The following CCDC171 variants were observed in gnomAD, a reference collection of about 807,000 sequenced individuals.
CCDC171 encodes coiled-coil domain-containing protein 171.
Under a neutral mutation model 168.2 loss-of-function variants are expected in CCDC171, and 177 were observed. The ratio of observed to expected loss-of-function variants is 1.05; its 90% CI spans 0.93 to 1.19. The LOEUF (loss-of-function observed/expected upper bound fraction) is 1.19, where lower values mean the gene tolerates loss of function less well. Ranked by LOEUF, CCDC171 falls within the 50% of genes most tolerant of loss-of-function variation. CCDC171 has a pLI of 0.00. For missense variants in CCDC171, 1,991 were observed against 1,539.0 expected (o/e 1.29, Z -4.91); for synonymous variants, 687 against 540.8 (o/e 1.27, Z -3.75).
chr9:15,886,425 A>T (rs1194699632), intron 24 of CCDC171: 1 of 152,212 alleles, frequency 6.6e-6, no homozygotes, highest in African/African-American at 2.4e-5. Context: ...ATATCACATC[A>T]CAACTGTTAG....
chr9:15,602,632 C>CTTTTTTTTTTTTTCTTTTTTT (rs2042936144), intron 6 of CCDC171, among the ~76,000 whole-genome samples: 1 of 31,002 alleles, frequency 3.2e-5, no homozygotes, highest in African/African-American at 9.7e-5. Context: ...TTTCTCATTT[C>CTTTTTTTTTTTTTCTTTTTTT]TTTTTTTTTT....
At chr9:15,825,156 A>C (rs563895157) in intron 21 of CCDC171, among the ~76,000 whole-genome samples, 1 of 152,138 alleles carries the variant, frequency 6.6e-6, no homozygotes, top group African/African-American at 2.4e-5. Flanking sequence ...AGTTTACACT[A>C]TTAGAAATAG....
intron 25 of CCDC171, among the ~76,000 whole-genome samples, chr9:15,955,561 G>C (rs1829707328): frequency 6.6e-6 from 1 of 152,154 alleles, no homozygotes. Context: ...GAGATGGATA[G>C]CTGCTGCTGT....
rs1273588254 is a variant in CCDC171, at chr9:15,821,594, G to T, written c.3268-25108G>T. 1.7e-5 allele frequency among the ~76,000 whole-genome samples: 2 copies of T among 116,504 alleles called. 1 individual carries two copies. The highest frequency in any genetic ancestry group is 1.6e-4 in the Admixed American group (2 of 12,310). The allele number at this position is 116,504 out of a possible 152,430, so 76.4% of individuals were successfully genotyped here. On this transcript the variant is annotated intron_variant, in intron 21 of 25. Transcript: ENST00000380701. ...AACTCCCATTCACAATTGCTTCAAA[G>T]AGAATAAAATACCTAGGAATCCAAC...
intron 10 of CCDC171, among the ~76,000 whole-genome samples, chr9:15,687,607 T>A (rs2050489475): frequency 6.6e-6 from 1 of 152,144 alleles, no homozygotes; most frequent in Non-Finnish European, 1.5e-5. Context: ...GTTGATTCTT[T>A]GAAGAGATAA....
chr9:15,841,190 C>T (rs2060666049), intron 21 of CCDC171, among the ~76,000 whole-genome samples: 1 of 152,014 alleles, frequency 6.6e-6, no homozygotes, highest in South Asian at 2.1e-4. Flanking sequence ...ACGTATTTTA[C>T]ACTCTTCTTT....
At chr9:15,975,969 AGTTT>A (rs1831608432), downstream of CCDC171, among the ~76,000 whole-genome samples, 2 of 152,124 alleles carry the variant, frequency 1.3e-5, no homozygotes, top group African/African-American at 4.8e-5. Context: ...TGCAGGGGTT[AGTTT>A]GACTATGGAG....
intron 3 of CCDC171, among the ~76,000 whole-genome samples, chr9:16,018,920 C>T (rs1833096374): frequency 6.6e-6 from 1 of 152,166 alleles, no homozygotes; most frequent in Non-Finnish European, 1.5e-5. Flanking sequence ...CCTTTGTATT[C>T]ATGCCTTTTT....
At chr9:15,631,996 A>C (rs2045752735) in intron 7 of CCDC171, among the ~76,000 whole-genome samples, 1 of 152,174 alleles carries the variant, frequency 6.6e-6, no homozygotes, top group Non-Finnish European at 1.5e-5. Flanking sequence ...ACTCTCAATA[A>C]ATTAGGTATT....
chr9:15,808,908 T>G lies in CCDC171; in HGVS notation c.3267+24214T>G, dbSNP rs1588628728. Among the ~76,000 whole-genome samples, 5 of 152,178 alleles carry G rather than the reference T, an allele frequency of 3.3e-5. No individual in the cohort carries two copies. In the South Asian group the frequency reaches 1.0e-3, roughly 31 times the overall value. On this transcript the variant is annotated intron_variant, in intron 21 of 25. Coordinates refer to ENST00000380701, the MANE Select transcript of CCDC171 (RefSeq NM_173550.4). ...GAGAAGTCTAACATCAAGGCACTAGTAGATTTGGTGTCTGGTGAGGGCTTG... is the reference window on the plus strand; with the variant it reads ...GAGAAGTCTAACATCAAGGCACTAGGAGATTTGGTGTCTGGTGAGGGCTTG...
At chr9:16,048,608 C>T (rs1833698519) in intron 1 of CCDC171, among the ~76,000 whole-genome samples, 1 of 152,146 alleles carries the variant, frequency 6.6e-6, no homozygotes, top group African/African-American at 2.4e-5. Flanking sequence ...TCTGCCATTG[C>T]CATTTAGTAG....
At chr9:15,687,750 A>G (rs908443568) in intron 10 of CCDC171, among the ~76,000 whole-genome samples, 8 of 152,218 alleles carry the variant, frequency 5.3e-5, no homozygotes, top group African/African-American at 1.9e-4. Flanking sequence ...ACTCTGAAAA[A>G]CTATATGCCA....
intron 1 of CCDC171, among the ~76,000 whole-genome samples, chr9:15,560,366 A>G (rs934432690): frequency 2.6e-5 from 4 of 152,138 alleles, no homozygotes; most frequent in East Asian, 1.9e-4. Flanking sequence ...AGGTACACCA[A>G]TCAGACGTAG....
At chr9:15,557,234 G>T (rs1462229072) in intron 1 of CCDC171, among the ~76,000 whole-genome samples, 6 of 151,952 alleles carry the variant, frequency 3.9e-5, no homozygotes, top group Non-Finnish European at 8.8e-5. Flanking sequence ...GCTCTTTTTT[G>T]GTTCCATATG....
intron 9 of CCDC171, among the ~76,000 whole-genome samples, chr9:15,677,821 G>A (rs549098978): frequency 1.1e-3 from 137 of 121,492 alleles, no homozygotes; most frequent in African/African-American, 3.8e-3. Context: ...ACACACACGC[G>A]CACACACACA....
intron 25 of CCDC171, among the ~76,000 whole-genome samples, chr9:15,946,314 C>G (rs1359315691): frequency 6.6e-6 from 1 of 151,950 alleles, no homozygotes; most frequent in Non-Finnish European, 1.5e-5. Context: ...TAAGCAACTT[C>G]AGCAAAGTCT....
At chr9:15,685,790 T>C (rs1000223738) in intron 10 of CCDC171, among the ~76,000 whole-genome samples, 1 of 152,210 alleles carries the variant, frequency 6.6e-6, no homozygotes, top group Admixed American at 6.5e-5. Context: ...AAGTTAATAA[T>C]GTAATTATTA....
chr9:15,597,357 G>T (rs562579091), intron 6 of CCDC171, among the ~76,000 whole-genome samples: 2 of 152,056 alleles, frequency 1.3e-5, no homozygotes, highest in African/African-American at 4.8e-5. Context: ...TAGCATGAAG[G>T]GTTGCTGAAT....
intron 3 of CCDC171, among the ~76,000 whole-genome samples, chr9:15,996,000 G>A (rs571706991): frequency 6.6e-6 from 1 of 152,080 alleles, no homozygotes; most frequent in African/African-American, 2.4e-5. Flanking sequence ...TTATTCTTCT[G>A]TTTCTTCAGG....
Sources: allele counts gnomAD v4.1 joint callset (sites outside exome capture counted in the v4.1 genomes callset), GRCh38; gene constraint gnomAD v4.1.1; transcripts MANE v1.5; gene names NCBI Gene and HGNC (gene_info 2026-07-23, HGNC 2026-07-21).